The following CPT1B variants were observed in gnomAD, a reference collection of about 807,000 sequenced individuals.
CPT1B encodes the protein carnitine palmitoyltransferase 1B, also known as carnitine O-palmitoyltransferase 1, muscle isoform.
A neutral mutation model predicts 92.7 loss-of-function variants in CPT1B; 57 were observed. That is an observed-to-expected ratio of 0.62 (90% CI 0.50 to 0.77). The LOEUF (loss-of-function observed/expected upper bound fraction) is 0.77, where lower values mean the gene tolerates loss of function less well. Among genes scored for constraint, CPT1B ranks in the 30% least tolerant of loss-of-function variants. The pLI, the probability that CPT1B is intolerant of heterozygous loss-of-function variation, is 0.00. For synonymous variants in CPT1B, 398 were observed against 383.5 expected, an observed-to-expected ratio of 1.04 and a Z score of -0.44; for missense variants, 983 against 1,017.4, an observed-to-expected ratio of 0.97 and a Z score of 0.46.
chr22:50,573,124 C>G lies in CPT1B; in HGVS notation c.1167-64G>C. On this transcript the variant is annotated intron_variant, in intron 10 of 19. Transcript: ENST00000312108. This position sits in a 1 kb window ranked among gnomAD's most constrained non-coding sequence, Gnocchi z 5.0. ...TTGGGATGAGGGTGCCTCTGAGGGC[C>G]TGGCTGGACCTGGAGATGGGGGTGG... is the stretch of plus-strand genomic sequence containing the variant. 7.1e-7 allele frequency: 1 copy of G among 1,401,432 alleles called. No homozygotes were observed. The highest frequency in any genetic ancestry group is 9.8e-7 in the Non-Finnish European group (1 of 1,023,612). The allele number at this position is 1,401,432 out of a possible 1,614,324, so 86.8% of individuals were successfully genotyped here. A position where few individuals can be genotyped will look rare whatever the true frequency, so the allele number is the denominator to read the frequency against.
Position 50,569,036 on chromosome 22 carries a change from G to T in CPT1B, c.*48C>A, listed in dbSNP as rs1005709421. Reference sequence around the variant, plus strand: ...CACCTCTGTGGTCTGAGCTGGGGGAGGGGGAGGGCCTCCGAGTTCCCAAAC... The same window carrying T: ...CACCTCTGTGGTCTGAGCTGGGGGATGGGGAGGGCCTCCGAGTTCCCAAAC... On this transcript the variant is annotated 3_prime_UTR_variant, in exon 20 of 20. Transcript: ENST00000312108. The T allele has an allele frequency of 6.4e-6, 2 of 310,354 alleles. No homozygotes were observed. The highest frequency in any genetic ancestry group is 6.1e-6 in the Non-Finnish European group (1 of 164,108). 19.2% of individuals were successfully genotyped at this position (310,354 alleles called of 1,614,324 possible). A position where few individuals can be genotyped will look rare whatever the true frequency, so the allele number is the denominator to read the frequency against.
In CPT1B at chr22:50,576,566, A is replaced by G. The variant is rs781353210; in HGVS notation, c.531T>C (p.Pro177=). Residue 177 remains proline (P), a synonymous_variant, in exon 5 of 20, where the codon CCT becomes CCC. Transcript: ENST00000312108. The part of the protein sequence containing the change: ...YSFQTSLPKL[P]VPRVSATIQR... ...GAATTGTGGCTGACACCCTGGGCACAGGAAGCTTGGGCAGAGATGTCTGGA... is the reference window on the plus strand; with the variant it reads ...GAATTGTGGCTGACACCCTGGGCACGGGAAGCTTGGGCAGAGATGTCTGGA... 4 of 1,607,246 alleles carry G rather than the reference A, an allele frequency of 2.5e-6. No individual in the cohort carries two copies. Among genetic ancestry groups the G allele is most frequent in the Non-Finnish European group, 3.4e-6 (4 of 1,176,884 alleles).
At position 50,573,185 on chromosome 22, in the gene CPT1B, G is replaced by T; in HGVS notation, c.1167-125C>A. ...TGGACCTGGAGATGGGGGGTACCAC[G>T]CTGGACCTGGAGATGTGGGGGTGCC... On this transcript the variant is annotated intron_variant, in intron 10 of 19. Coordinates refer to ENST00000312108, the MANE Select transcript of CPT1B (RefSeq NM_152246.3). This position sits in a 1 kb window ranked among gnomAD's most constrained non-coding sequence, Gnocchi z 5.0. 1.2e-6 allele frequency: 1 copy of T among 807,582 alleles called. No individual in the cohort carries two copies. The highest frequency in any genetic ancestry group is 1.9e-6 in the Non-Finnish European group (1 of 516,726). 50.0% of individuals were successfully genotyped at this position (807,582 alleles called of 1,614,324 possible). A position where few individuals can be genotyped will look rare whatever the true frequency, so the allele number is the denominator to read the frequency against.
At position 50,571,687 on chromosome 22, in the gene CPT1B, G is replaced by A. The variant is rs536617144; in HGVS notation, c.1576-148C>T. 4 of 925,664 alleles carry A rather than the reference G, an allele frequency of 4.3e-6. No individual in the cohort carries two copies. The African/African-American group carries it at 6.6e-5, about 15-fold the overall frequency. The allele number at this position is 925,664 out of a possible 1,614,324, so 57.3% of individuals were successfully genotyped here. ...GAGGAGGGTACGCAAAAGACAGTCT[G>A]AGGGAGAATCAGCCCCCAGAGGCCG... On this transcript the variant is annotated intron_variant, in intron 13 of 19. Transcript: ENST00000312108.
chr22:50,578,454 C>T (rs2070579197), upstream of CPT1B: 1 of 155,492 alleles, frequency 6.4e-6, no homozygotes, highest in African/African-American at 2.4e-5. Context: ...TCCTTCAGGC[C>T]TAGCCACCCC....
chr22:50,576,654 G>A lies in CPT1B; in HGVS notation c.460-17C>T, dbSNP rs1267481576. 2 of 1,608,566 alleles carry A rather than the reference G, an allele frequency of 1.2e-6. No homozygotes were observed. The highest frequency in any genetic ancestry group is 1.7e-6 in the Non-Finnish European group (2 of 1,176,722). On this transcript the variant is annotated splice_polypyrimidine_tract_variant and intron_variant, in intron 4 of 19. Transcript: ENST00000312108. ...GATACACATCTGGGGGTACAGAGCAGAGTGCTGGGGTGGGAGCCAGTGGAA... is the reference window on the plus strand; with the variant it reads ...GATACACATCTGGGGGTACAGAGCAAAGTGCTGGGGTGGGAGCCAGTGGAA...
Position 50,569,373 on chromosome 22 carries a change from CA to C in CPT1B, c.2283del (p.Ile761MetfsTer49). 1 of 1,614,142 alleles carries C rather than the reference CA, an allele frequency of 6.2e-7. No homozygotes were observed. The highest frequency in any genetic ancestry group is 8.5e-7 in the Non-Finnish European group (1 of 1,180,022). On this transcript the variant is annotated frameshift_variant, in exon 19 of 20. Transcript: ENST00000312108. LOFTEE classifies it high-confidence loss of function. ...GNHIRKALLD[I>X]ADLFQVPKAY... ...GCCTTGGGAACTTGGAAAAGATCAGCAATGTCCAGCAGGGCTTTGCGGATGT... is the reference window on the plus strand; with the variant it reads ...GCCTTGGGAACTTGGAAAAGATCAGCATGTCCAGCAGGGCTTTGCGGATGT...
chr22:50,573,110 G>A lies in CPT1B; in HGVS notation c.1167-50C>T. 2.0e-6 allele frequency: 3 copies of A among 1,516,616 alleles called. No individual in the cohort carries two copies. The highest frequency in any genetic ancestry group is 1.2e-5 in the South Asian group (1 of 83,180). 93.9% of individuals were successfully genotyped at this position (1,516,616 alleles called of 1,614,324 possible). A position where few individuals can be genotyped will look rare whatever the true frequency, so the allele number is the denominator to read the frequency against. Reference sequence around the variant, plus strand: ...GTGGGCACGTGGACTTGGGATGAGGGTGCCTCTGAGGGCCTGGCTGGACCT... The same window carrying A: ...GTGGGCACGTGGACTTGGGATGAGGATGCCTCTGAGGGCCTGGCTGGACCT... On this transcript the variant is annotated intron_variant, in intron 10 of 19. Coordinates refer to ENST00000312108, the MANE Select transcript of CPT1B (RefSeq NM_152246.3). The surrounding 1 kb of genome is among the most constrained non-coding windows in gnomAD (Gnocchi z 5.0).
At chr22:50,569,524 C>T (rs1223036834) in intron 18 of CPT1B, 52 bp downstream of exon 18, 6 of 1,599,840 alleles carry the variant, frequency 3.8e-6, no homozygotes, top group Non-Finnish European at 5.1e-6. Context: ...TGTTCCTGGG[C>T]AGCCCCAGGT....
At position 50,577,923 on chromosome 22, in the gene CPT1B, G is replaced by C; in HGVS notation, c.-8C>G. ...CTGGTGAGCTTCCGCCATCCTGGGG[G>C]TTGGTCGGCACCTAGGACGGGGGCA... On this transcript the variant is annotated 5_prime_UTR_variant, in exon 2 of 20. Coordinates refer to ENST00000312108, the MANE Select transcript of CPT1B (RefSeq NM_152246.3). 1 of 1,606,128 alleles carries C rather than the reference G, an allele frequency of 6.2e-7. No homozygotes were observed. The highest frequency in any genetic ancestry group is 8.5e-7 in the Non-Finnish European group (1 of 1,174,776).
At chr22:50,574,060 A>G (rs1603443365) in intron 9 of CPT1B, 3 of 672,228 alleles carry the variant, frequency 4.5e-6, no homozygotes, top group Non-Finnish European at 8.2e-6. Context: ...TGCCGGCTCC[A>G]TGGCAGCGCC....
Position 50,576,318 on chromosome 22 carries a change from G to T in CPT1B, c.579C>A (p.Arg193=). ...ATIQRYLESV[R]PLLDDEEYYR... is the part of the protein sequence containing the mutation. ...AATATTCCTCATCATCCAACAAGGG[G>T]CGCACAGACTCTAGGTACTGTCCAG... The change falls in exon 6 of 20, where the codon CGC becomes CGA. Residue 193 remains arginine, a synonymous_variant. Coordinates refer to ENST00000312108, the MANE Select transcript of CPT1B (RefSeq NM_152246.3). 6.2e-7 allele frequency: 1 copy of T among 1,614,038 alleles called. No individual in the cohort carries two copies. The highest frequency in any genetic ancestry group is 8.5e-7 in the Non-Finnish European group (1 of 1,180,020).
chr22:50,578,034 C>T, intron 1 of CPT1B, 100 bp from the exon 2 acceptor site: 1 of 746,600 alleles, frequency 1.3e-6, no homozygotes, highest in Non-Finnish European at 1.7e-6. Flanking sequence ...TCGCGCCCCC[C>T]ACCCCGCGAC....
chr22:50,574,447 C>T (rs1395574437), intron 8 of CPT1B, 28 bp from the exon 9 acceptor site: 5 of 1,614,026 alleles, frequency 3.1e-6, no homozygotes, highest in Non-Finnish European at 4.2e-6. Context: ...ATGGCTCAGA[C>T]TCAGGTCTCC....
rs755727750 is a variant in CPT1B at position 50,576,225 on chromosome 22, C to T, written c.672G>A (p.Val224=). The T allele has an allele frequency of 6.2e-7, 1 of 1,614,122 alleles. No homozygotes were observed. The highest frequency in any genetic ancestry group is 8.5e-7 in the Non-Finnish European group (1 of 1,180,014). The change falls in exon 6 of 20, where the codon GTG becomes GTA. Residue 224 remains valine, a synonymous_variant. Transcript: ENST00000312108. ...KTAPRLQKYL[V]LKSWWASNYV... is the part of the protein sequence containing the mutation. ...AGTTACTTGCCCACCATGACTTGAG[C>T]ACCAGGTATTTCTGCAGCCTGGGGG...
chr22:50,571,629 G>A, intron 13 of CPT1B, 90 bp from the exon 14 acceptor site: 2 of 1,425,764 alleles, frequency 1.4e-6, no homozygotes, highest in South Asian at 1.3e-5. Flanking sequence ...TTAGCTGGTG[G>A]AGAAAGGGCA....
chr22:50,576,598 A>T lies in CPT1B; in HGVS notation c.499T>A (p.Tyr167Asn). ...TTGGGCAGAGATGTCTGGAAGCTGT[A>T]GAGCATAGGGTGCCGGCTGGATAGA... ...RLLSSRHPML[Y>N]SFQTSLPKLP... The change falls in exon 5 of 20, where the codon TAC (tyrosine) becomes AAC (asparagine). Residue 167 changes from tyrosine (Y) to asparagine (N), a missense_variant. Transcript: ENST00000312108. The T allele has an allele frequency of 1.9e-6, 3 of 1,610,162 alleles. No homozygotes were observed. The highest frequency in any genetic ancestry group is 2.5e-6 in the Non-Finnish European group (3 of 1,178,408).
Position 50,570,365 on chromosome 22 carries a change from G to A in CPT1B, c.2070C>T (p.Pro690=). The change falls in exon 17 of 20, where the codon CCC becomes CCT. Residue 690 remains proline (P), a synonymous_variant. Coordinates refer to ENST00000312108, the MANE Select transcript of CPT1B (RefSeq NM_152246.3). The part of the protein sequence containing the change: ...EPWRLSTSQI[P]QSQIRMFDPE... The stretch of plus-strand genomic sequence containing the variant: ...GGTCGAACATGCGGATCTGGGATTG[G>A]GGGATCTGGCTGGTGGAGAGACGCC... 1.2e-6 allele frequency: 2 copies of A among 1,608,826 alleles called. No homozygotes were observed. The highest frequency in any genetic ancestry group is 1.7e-6 in the Non-Finnish European group (2 of 1,176,806).
intron 13 of CPT1B, among the ~76,000 whole-genome samples, 154 bp from the exon 14 acceptor site, chr22:50,571,693 G>A (rs1203881294): frequency 1.3e-5 from 2 of 152,212 alleles, no homozygotes. Flanking sequence ...GTCTGAGGGA[G>A]AATCAGCCCC....
Sources: gnomAD v4.1 joint callset for allele counts (sites outside exome capture counted in the v4.1 genomes callset) on GRCh38, gnomAD v4.1.1 for gene constraint, Gnocchi (gnomAD v3.1) non-coding constraint, MANE v1.5 for transcripts, NCBI Gene and HGNC (gene_info 2026-07-23, HGNC 2026-07-21) for gene names.